LCOR: variants seen among roughly 807,000 people sequenced by gnomAD.
The protein encoded by LCOR is ligand-dependent corepressor.
LCOR carries 14 observed loss-of-function variants against 64.4 expected under a neutral mutation model. The ratio of observed to expected loss-of-function variants is 0.22; its 90% CI spans 0.14 to 0.34. The LOEUF (loss-of-function observed/expected upper bound fraction) is 0.34, where lower values mean the gene tolerates loss of function less well. Ranked by LOEUF, LCOR falls within the 10% of genes least tolerant of loss-of-function variation. LCOR has a pLI of 1.00. For missense variants in LCOR, 1,686 were observed against 1,765.3 expected (o/e 0.96, Z 0.80); for synonymous variants, 643 against 642.5 (o/e 1.00, Z -0.01).
chr10:96,976,842 G>C (rs1244771923), intron 7 of LCOR, among the ~76,000 whole-genome samples: 1 of 152,176 alleles, frequency 6.6e-6, no homozygotes. Flanking sequence ...CTTGCTTCCA[G>C]AACCCAGCTA....
intron 4 of LCOR, among the ~76,000 whole-genome samples, chr10:96,919,488 C>G (rs1847011593): frequency 6.6e-6 from 1 of 151,910 alleles, no homozygotes; most frequent in African/African-American, 2.4e-5. Context: ...TGGATTGTAT[C>G]TTTTTATTTT....
At chr10:96,951,942 A>C (rs1030100768) in intron 6 of LCOR, among the ~76,000 whole-genome samples, 161 bp from the exon 7 acceptor site, 3 of 152,224 alleles carry the variant, frequency 2.0e-5, no homozygotes, top group Non-Finnish European at 4.4e-5. Flanking sequence ...TGCTAAATTT[A>C]TGTTGCTTCA....
Position 96,989,695 on chromosome 10 carries a change from A to ATATATATATATATATATTTT in LCOR, c.*4562_*4563insATATATATATATATATTTTT, listed in dbSNP as rs1371771053. The ATATATATATATATATATTTT allele has an allele frequency of 2.3e-5, 2 of 86,160 alleles. No individual in the cohort carries two copies. Among genetic ancestry groups the ATATATATATATATATATTTT allele is most frequent in the African/African-American group, 1.2e-4 (2 of 16,170 alleles). 5.3% of individuals were successfully genotyped at this position (86,160 alleles called of 1,614,324 possible). On this transcript the variant is annotated 3_prime_UTR_variant, in exon 8 of 8. Coordinates refer to ENST00000421806, the MANE Select transcript of LCOR (RefSeq NM_001346516.2). ...TAAGGATATATATATATATATATAT[A>ATATATATATATATATATTTT]TTTTTTTTTTTTTTTTTTTTTTTTA...
intron 7 of LCOR, among the ~76,000 whole-genome samples, chr10:96,970,206 T>C (rs932169998): frequency 2.0e-5 from 3 of 151,856 alleles, no homozygotes; most frequent in African/African-American, 7.2e-5. Context: ...GAGACCACCC[T>C]GGGCAACATG....
rs1846754197 is a variant in LCOR, at chr10:96,907,770, T to C, written c.-184+23T>C. 7.6e-6 allele frequency: 6 copies of C among 784,386 alleles called. No individual in the cohort carries two copies. In the South Asian group the frequency reaches 2.3e-4, roughly 30 times the overall value. 48.6% of individuals were successfully genotyped at this position (784,386 alleles called of 1,614,324 possible). A position where few individuals can be genotyped will look rare whatever the true frequency, so the allele number is the denominator to read the frequency against. On this transcript the variant is annotated intron_variant, in intron 4 of 7. Transcript: ENST00000421806. ...AAGGTAACTAAGAAGCCTGTGAAAC[T>C]TTTATTTAGTGTAGTATTTTAAAGT...
intron 2 of LCOR, among the ~76,000 whole-genome samples, chr10:96,877,950 A>G (rs1846198215): frequency 6.6e-6 from 1 of 152,192 alleles, no homozygotes. Flanking sequence ...CATTTATCCT[A>G]TTACCTACAA....
chr10:96,962,531 G>C (rs575036167), intron 7 of LCOR: 1 of 152,238 alleles, frequency 6.6e-6, no homozygotes, highest in Non-Finnish European at 1.5e-5. Context: ...AGTATTACCA[G>C]CATTAGTAAG....
intron 5 of LCOR, among the ~76,000 whole-genome samples, chr10:96,948,764 C>A (rs1469783753): frequency 6.6e-6 from 1 of 151,784 alleles, no homozygotes; most frequent in Non-Finnish European, 1.5e-5. Flanking sequence ...TAGTTGTTAT[C>A]CCTTTATTTA....
intron 7 of LCOR, among the ~76,000 whole-genome samples, chr10:96,979,844 T>A (rs1014721372): frequency 6.6e-6 from 1 of 152,184 alleles, no homozygotes; most frequent in Non-Finnish European, 1.5e-5. Flanking sequence ...GAAACTATCT[T>A]AAAACTGTTA....
rs1371771053 is a variant in LCOR at position 96,989,695 on chromosome 10, A to ATATATATATATTTT, written c.*4562_*4563insATATATATATTTTT. Reference sequence around the variant, plus strand: ...TAAGGATATATATATATATATATATATTTTTTTTTTTTTTTTTTTTTTTTA... The same window carrying ATATATATATATTTT: ...TAAGGATATATATATATATATATATATATATATATATTTTTTTTTTTTTTTTTTTTTTTTTTTTA... On this transcript the variant is annotated 3_prime_UTR_variant, in exon 8 of 8. Transcript: ENST00000421806. 16 of 86,160 alleles carry ATATATATATATTTT rather than the reference A, an allele frequency of 1.9e-4. No individual in the cohort carries two copies. The highest frequency in any genetic ancestry group is 7.7e-4 in the East Asian group (2 of 2,600). The allele number at this position is 86,160 out of a possible 1,614,324, so 5.3% of individuals were successfully genotyped here.
intron 2 of LCOR, among the ~76,000 whole-genome samples, chr10:96,839,464 G>T (rs562598672): frequency 6.6e-6 from 1 of 152,232 alleles, no homozygotes; most frequent in Non-Finnish European, 1.5e-5. Context: ...AGTACTATGG[G>T]ATTACAACTC....
rs200789353 is a variant in LCOR at position 96,929,972 on chromosome 10, AGT to A, written c.-183-14135_-183-14134del. Among the ~76,000 whole-genome samples the A allele has an allele frequency of 4.0e-3, 604 of 152,362 alleles. 16 individuals carry two copies. Among genetic ancestry groups the A allele is most frequent in the Admixed American group, 0.034 (526 of 15,298 alleles). The stretch of plus-strand genomic sequence containing the variant: ...TTAGTTCACCATCTTATACAGGTGC[AGT>A]GTGTGGGACCTCAAAATAATTCACT... On this transcript the variant is annotated intron_variant, in intron 4 of 7. Coordinates refer to ENST00000421806, the MANE Select transcript of LCOR (RefSeq NM_001346516.2).
At chr10:96,847,465 G>C (rs1026406748) in intron 2 of LCOR, among the ~76,000 whole-genome samples, 3 of 151,718 alleles carry the variant, frequency 2.0e-5, no homozygotes, top group African/African-American at 7.3e-5. Context: ...TTGAGACAGA[G>C]TTTTGCTCTT....
At chr10:96,894,391 A>G (rs1564617915) in intron 2 of LCOR, among the ~76,000 whole-genome samples, 1 of 152,214 alleles carries the variant, frequency 6.6e-6, no homozygotes, top group Non-Finnish European at 1.5e-5. Flanking sequence ...AGTACATTTT[A>G]GAAGGAGCAA....
chr10:96,843,282 G>A (rs1450427816), intron 2 of LCOR, among the ~76,000 whole-genome samples: 1 of 151,954 alleles, frequency 6.6e-6, no homozygotes, highest in African/African-American at 2.4e-5. Flanking sequence ...GTTTCATCAT[G>A]CCTGGCTAGT....
At chr10:96,909,913 C>T (rs1274105767) in intron 4 of LCOR, among the ~76,000 whole-genome samples, 1 of 151,922 alleles carries the variant, frequency 6.6e-6, no homozygotes, top group Non-Finnish European at 1.5e-5. Context: ...CTTTATTGAG[C>T]AAGCCATTTA....
At chr10:96,921,127 A>G (rs1011923401) in intron 4 of LCOR, among the ~76,000 whole-genome samples, 4 of 152,038 alleles carry the variant, frequency 2.6e-5, no homozygotes, top group South Asian at 2.1e-4. Context: ...CACCACCCCC[A>G]GCCTATATGT....
At position 96,942,442 on chromosome 10, in the gene LCOR, C is replaced by A. The variant is rs143687146; in HGVS notation, c.-183-1671C>A. 6.4e-3 allele frequency among the ~76,000 whole-genome samples: 864 copies of A among 135,244 alleles called. 15 individuals are homozygous for A. The highest frequency in any genetic ancestry group is 0.025 in the African/African-American group (826 of 33,144). The allele number at this position is 135,244 out of a possible 152,430, so 88.7% of individuals were successfully genotyped here. A position where few individuals can be genotyped will look rare whatever the true frequency, so the allele number is the denominator to read the frequency against. On this transcript the variant is annotated intron_variant, in intron 4 of 7. Coordinates refer to ENST00000421806, the MANE Select transcript of LCOR (RefSeq NM_001346516.2). ...TCAGAGGGAGACCGTGGAAGGAGAC[C>A]GTGGAGAGAGGGAGAGGAGGGAGAG...
chr10:96,871,451 C>T (rs1190788208), intron 2 of LCOR, among the ~76,000 whole-genome samples: 3 of 151,410 alleles, frequency 2.0e-5, no homozygotes, highest in Non-Finnish European at 4.4e-5. Flanking sequence ...CTCACTCTGT[C>T]GCCCAGGCTG....
Sources: gnomAD v4.1 joint callset for allele counts (sites outside exome capture counted in the v4.1 genomes callset) on GRCh38, gnomAD v4.1.1 for gene constraint, MANE v1.5 for transcripts, NCBI Gene and HGNC (gene_info 2026-07-23, HGNC 2026-07-21) for gene names.